MAN2A1: variants seen among roughly 807,000 people sequenced by gnomAD.
The protein encoded by MAN2A1 is alpha-mannosidase 2.
In MAN2A1, 76 loss-of-function variants were observed where a neutral mutation model predicts 142.6. The observed-to-expected ratio is 0.53, with a 90% CI of 0.44 to 0.65. The LOEUF is 0.65. MAN2A1 is among the 30% of genes least tolerant of loss of function. The pLI, the probability that MAN2A1 is intolerant of heterozygous loss-of-function variation, is 0.00. For missense variants in MAN2A1, 1,311 were observed against 1,365.1 expected, an observed-to-expected ratio of 0.96 and a Z score of 0.62; for synonymous variants, 559 against 473.2, an observed-to-expected ratio of 1.18 and a Z score of -2.35.
At chr5:109,817,220 G>A in intron 12 of MAN2A1, 53 bp from the exon 13 acceptor site, 2 of 1,522,582 alleles carry the variant, frequency 1.3e-6, no homozygotes, top group Non-Finnish European at 9.1e-7. Flanking sequence ...ATATGTATAT[G>A]TAAGAAGTAA....
rs1371425395 is a variant in MAN2A1, at chr5:109,689,928, C to G, written c.-490C>G. Reference sequence around the variant, plus strand: ...GGCTTGGCTCCTCGCGATCTTGTTCCTTTCCCCTCCGCTTCTCTGACCTAG... The same window carrying G: ...GGCTTGGCTCCTCGCGATCTTGTTCGTTTCCCCTCCGCTTCTCTGACCTAG... On this transcript the variant is annotated 5_prime_UTR_variant, in exon 1 of 22. Transcript: ENST00000261483. The G allele has an allele frequency of 6.2e-6, 1 of 161,198 alleles. No homozygotes were observed. Among genetic ancestry groups the G allele is most frequent in the African/African-American group, 2.4e-5 (1 of 41,526 alleles). The allele number at this position is 161,198 out of a possible 1,614,324, so 10.0% of individuals were successfully genotyped here.
intron 4 of MAN2A1, among the ~76,000 whole-genome samples, chr5:109,730,864 C>T (rs934786011): frequency 1.3e-5 from 2 of 152,152 alleles, no homozygotes; most frequent in African/African-American, 4.8e-5. Flanking sequence ...CTTCTTTGCA[C>T]ACTGCGCCAT....
chr5:109,779,566 C>T (rs1753391898), intron 8 of MAN2A1, among the ~76,000 whole-genome samples: 1 of 65,728 alleles, frequency 1.5e-5, no homozygotes, highest in Non-Finnish European at 2.6e-5. Flanking sequence ...CACACGCGTG[C>T]ACACACACAC....
chr5:109,732,535 T>C (rs1751946161), intron 4 of MAN2A1, among the ~76,000 whole-genome samples: 1 of 152,150 alleles, frequency 6.6e-6, no homozygotes, highest in African/African-American at 2.4e-5. Context: ...GAATTAATTT[T>C]TGTATAAGGT....
At chr5:109,829,649 C>T (rs1016837707) in intron 16 of MAN2A1, among the ~76,000 whole-genome samples, 2 of 152,154 alleles carry the variant, frequency 1.3e-5, no homozygotes, top group African/African-American at 4.8e-5. Context: ...TACAATTCTT[C>T]AAAGAAATGT....
chr5:109,864,080 C>T (rs1755821155), intron 20 of MAN2A1: 1 of 152,124 alleles, frequency 6.6e-6, no homozygotes, highest in Non-Finnish European at 1.5e-5. Context: ...AATCTTATCC[C>T]CTAGTGAGGA....
At chr5:109,762,168 A>G (rs1029151860) in intron 5 of MAN2A1, among the ~76,000 whole-genome samples, 2 of 152,134 alleles carry the variant, frequency 1.3e-5, no homozygotes, top group Non-Finnish European at 2.9e-5. Flanking sequence ...AAACAAATTT[A>G]TTAGAGATAG....
intron 16 of MAN2A1, among the ~76,000 whole-genome samples, chr5:109,832,347 G>C (rs1754933503): frequency 6.6e-6 from 1 of 151,692 alleles, no homozygotes; most frequent in Non-Finnish European, 1.5e-5. Context: ...GTGTCCCTGG[G>C]TACTTGAGAT....
intron 4 of MAN2A1, among the ~76,000 whole-genome samples, chr5:109,746,619 A>G (rs888923484): frequency 2.7e-5 from 4 of 147,514 alleles, no homozygotes; most frequent in Non-Finnish European, 4.5e-5. Flanking sequence ...AATTGTAAAT[A>G]AGCATAACAT....
intron 3 of MAN2A1, among the ~76,000 whole-genome samples, chr5:109,718,636 T>C (rs1401152181): frequency 2.0e-5 from 3 of 152,178 alleles, no homozygotes; most frequent in African/African-American, 7.2e-5. Flanking sequence ...ATAAGACCTC[T>C]TTGACCTTTC....
intron 1 of MAN2A1, among the ~76,000 whole-genome samples, chr5:109,692,875 C>T (rs1476178348): frequency 6.6e-6 from 1 of 152,110 alleles, no homozygotes. Flanking sequence ...GTTAGATTCT[C>T]ATAAGGACCA....
intron 4 of MAN2A1, among the ~76,000 whole-genome samples, chr5:109,754,830 C>T (rs1752643759): frequency 1.3e-5 from 2 of 152,290 alleles, no homozygotes; most frequent in East Asian, 1.9e-4. Context: ...GGAGAAACCA[C>T]GTCTCTACCA....
At chr5:109,766,888 C>A (rs1013901430) in intron 5 of MAN2A1, among the ~76,000 whole-genome samples, 3 of 152,012 alleles carry the variant, frequency 2.0e-5, no homozygotes, top group African/African-American at 7.2e-5. Flanking sequence ...TGAGATATAT[C>A]TTTAGTCAGT....
chr5:109,800,432 G>A (rs941190397), intron 12 of MAN2A1, among the ~76,000 whole-genome samples: 3 of 152,162 alleles, frequency 2.0e-5, no homozygotes, highest in South Asian at 2.1e-4. Flanking sequence ...ATGACCTACT[G>A]CCAGTAGCAT....
chr5:109,831,027 A>C (rs1179394778), intron 16 of MAN2A1, among the ~76,000 whole-genome samples: 1 of 152,192 alleles, frequency 6.6e-6, no homozygotes, highest in East Asian at 1.9e-4. Context: ...TGGGGGAAAC[A>C]CAGGAGATAT....
chr5:109,736,175 G>A (rs1752092522), intron 4 of MAN2A1, among the ~76,000 whole-genome samples: 1 of 152,010 alleles, frequency 6.6e-6, no homozygotes, highest in Non-Finnish European at 1.5e-5. Context: ...GCACACATAT[G>A]CATGCATAAA....
chr5:109,784,667 A>T, intron 9 of MAN2A1, 77 bp from the exon 10 acceptor site: 1 of 1,139,010 alleles, frequency 8.8e-7, no homozygotes, highest in Non-Finnish European at 1.2e-6. Context: ...AAATTTGTAA[A>T]GTATCAATGT....
chr5:109,832,452 G>GT (rs768892051), intron 16 of MAN2A1, among the ~76,000 whole-genome samples: 158 of 152,206 alleles, frequency 1.0e-3, no homozygotes, highest in Non-Finnish European at 1.8e-3. Flanking sequence ...TTAACCCTGA[G>GT]TGGACACAGC....
chr5:109,812,044 A>G (rs998201258), intron 12 of MAN2A1, among the ~76,000 whole-genome samples: 1 of 152,172 alleles, frequency 6.6e-6, no homozygotes, highest in Non-Finnish European at 1.5e-5. Flanking sequence ...ATGATGTGCC[A>G]GGGTCCTTGG....
Sources: gnomAD v4.1 joint callset for allele counts (sites outside exome capture counted in the v4.1 genomes callset) on GRCh38, gnomAD v4.1.1 for gene constraint, MANE v1.5 for transcripts, NCBI Gene and HGNC (gene_info 2026-07-23, HGNC 2026-07-21) for gene names.